The following PHTF2 variants were observed in gnomAD, a reference collection of about 807,000 sequenced individuals.
PHTF2 encodes protein PHTF2.
In PHTF2, 60 loss-of-function variants were observed where a neutral mutation model predicts 101.2. The ratio of observed to expected loss-of-function variants is 0.59; its 90% CI spans 0.48 to 0.73. The LOEUF (loss-of-function observed/expected upper bound fraction) is 0.73. Among genes scored for constraint, PHTF2 ranks in the 30% least tolerant of loss-of-function variants. The pLI, the probability that PHTF2 is intolerant of heterozygous loss-of-function variation, is 0.00. For missense variants in PHTF2, 747 were observed against 908.7 expected (o/e 0.82, Z 2.29); for synonymous variants, 311 against 307.3 (o/e 1.01, Z -0.13).
exon 20 of PHTF2, chr7:77,956,061 G>A (rs62462697): frequency 6.6e-6 from 1 of 152,546 alleles, no homozygotes; most frequent in Non-Finnish European, 1.5e-5. Context: ...GGGCAAATAT[G>A]ATAGTGTCTT....
intron 3 of PHTF2, among the ~76,000 whole-genome samples, chr7:77,858,936 A>G (rs981298787): frequency 6.6e-6 from 1 of 152,174 alleles, no homozygotes; most frequent in African/African-American, 2.4e-5. Flanking sequence ...TTTTTTCACC[A>G]TTCATGAGTC....
chr7:77,923,142 T>G, intron 11 of PHTF2: 1 of 983,058 alleles, frequency 1.0e-6, no homozygotes, highest in South Asian at 4.7e-5. Flanking sequence ...TTAAGTAACT[T>G]CCTTCATATT....
At position 77,841,744 on chromosome 7, in the gene PHTF2, G is replaced by A. The variant is rs1468126259; in HGVS notation, c.45+1444G>A. ...TATTAATTGTCTTTTGTGTTTGTTAGTGCCTCCTTTTAAACTTTTAAACTT... is the reference window on the plus strand; with the variant it reads ...TATTAATTGTCTTTTGTGTTTGTTAATGCCTCCTTTTAAACTTTTAAACTT... On this transcript the variant is annotated intron_variant, in intron 2 of 19. Transcript: ENST00000416283. Among the ~76,000 whole-genome samples, 3 of 152,196 alleles carry A rather than the reference G, an allele frequency of 2.0e-5. No homozygotes were observed. In the East Asian group the frequency reaches 5.8e-4, roughly 29 times the overall value.
intron 3 of PHTF2, among the ~76,000 whole-genome samples, chr7:77,884,338 T>C (rs2150760929): frequency 6.6e-6 from 1 of 152,326 alleles, no homozygotes; most frequent in East Asian, 1.9e-4. Flanking sequence ...ACCTGAGTAG[T>C]GTACCTTGTA....
intron 1 of PHTF2, among the ~76,000 whole-genome samples, chr7:77,808,017 A>G (rs1040028247): frequency 1.3e-5 from 2 of 151,996 alleles, no homozygotes; most frequent in African/African-American, 4.8e-5. Context: ...ATGAGGGTTT[A>G]TTTCTAGGGT....
At chr7:77,922,886 T>G in intron 11 of PHTF2, 108 bp downstream of exon 10, 1 of 1,268,046 alleles carries the variant, frequency 7.9e-7, no homozygotes. Flanking sequence ...TTCACATTAT[T>G]ATCAATATTT....
intron 3 of PHTF2, among the ~76,000 whole-genome samples, chr7:77,879,112 T>C (rs1799188882): frequency 3.3e-5 from 5 of 152,250 alleles, no homozygotes; most frequent in Admixed American, 2.0e-4. Flanking sequence ...TTCCTGTACA[T>C]TTTATCTTAC....
Position 77,857,514 on chromosome 7 carries a change from C to T in PHTF2, c.147+2680C>T, listed in dbSNP as rs7795416. Among the ~76,000 whole-genome samples, 160 of 152,202 alleles carry T rather than the reference C, an allele frequency of 1.1e-3. 1 individual carries two copies. The highest frequency in any genetic ancestry group is 3.6e-3 in the African/African-American group (149 of 41,536). ...TGGAAGGAGTATGTATATACAAACA[C>T]GTATTAATTTTTAAAGAAGTAACAG... is the stretch of plus-strand genomic sequence containing the variant. On this transcript the variant is annotated intron_variant, in intron 3 of 19. Transcript: ENST00000416283.
chr7:77,904,251 T>C (rs1305976912), intron 7 of PHTF2, among the ~76,000 whole-genome samples: 2 of 152,248 alleles, frequency 1.3e-5, no homozygotes, highest in Non-Finnish European at 2.9e-5. Flanking sequence ...TTTTTGCCTA[T>C]GTGTCTTTGG....
intron 12 of PHTF2, among the ~76,000 whole-genome samples, chr7:77,933,578 T>C (rs1393737600): frequency 1.3e-5 from 2 of 152,108 alleles, no homozygotes; most frequent in Admixed American, 1.3e-4. Flanking sequence ...CATGAAAGCA[T>C]AGGGTGTTGA....
At chr7:77,854,943 C>G (rs1797058439) in intron 3 of PHTF2, 5 of 615,606 alleles carry the variant, frequency 8.1e-6, no homozygotes. Context: ...TCAAGGAACC[C>G]AGGAGCCTGC....
intron 1 of PHTF2, among the ~76,000 whole-genome samples, chr7:77,810,192 A>T (rs1044036606): frequency 6.6e-6 from 1 of 152,110 alleles, no homozygotes; most frequent in Non-Finnish European, 1.5e-5. Context: ...ATATAGGTAC[A>T]TATGTATTAC....
chr7:77,915,610 A>C (rs1802838656), intron 9 of PHTF2, among the ~76,000 whole-genome samples: 1 of 152,130 alleles, frequency 6.6e-6, no homozygotes, highest in Non-Finnish European at 1.5e-5. Flanking sequence ...ACAAAAAAAC[A>C]TTTTCACTGA....
intron 17 of PHTF2, among the ~76,000 whole-genome samples, chr7:77,950,942 T>G (rs1806482372): frequency 6.6e-6 from 1 of 152,216 alleles, no homozygotes; most frequent in African/African-American, 2.4e-5. Context: ...TTGGTTTGGG[T>G]GTACATTCCA....
chr7:77,945,017 G>T (rs1274994740), intron 16 of PHTF2, among the ~76,000 whole-genome samples: 1 of 152,178 alleles, frequency 6.6e-6, no homozygotes, highest in African/African-American at 2.4e-5. Flanking sequence ...TTTAGACATC[G>T]TGGGAGATCC....
chr7:77,806,152 G>A (rs1792959779), intron 1 of PHTF2, among the ~76,000 whole-genome samples: 2 of 148,798 alleles, frequency 1.3e-5, no homozygotes, highest in Admixed American at 6.7e-5. Flanking sequence ...TCTAGCCTGG[G>A]TGACTCCATC....
chr7:77,875,323 A>T (rs1008637730), intron 3 of PHTF2, among the ~76,000 whole-genome samples: 8 of 151,900 alleles, frequency 5.3e-5, no homozygotes, highest in Non-Finnish European at 8.8e-5. Context: ...TAGGTTTTTT[A>T]AAAAAATAGT....
At chr7:77,920,509 T>C (rs772076310) in intron 10 of PHTF2, 44 bp downstream of exon 9, 1 of 1,450,990 alleles carries the variant, frequency 6.9e-7, no homozygotes, top group Non-Finnish European at 9.7e-7. Flanking sequence ...GATTTTATAT[T>C]AGCCAATGTA....
At chr7:77,926,347 A>T (rs1804000382) in intron 11 of PHTF2, among the ~76,000 whole-genome samples, 1 of 152,230 alleles carries the variant, frequency 6.6e-6, no homozygotes, top group Non-Finnish European at 1.5e-5. Context: ...CATAAAACAG[A>T]GCAGAGTGAT....
Sources: allele counts gnomAD v4.1 joint callset (sites outside exome capture counted in the v4.1 genomes callset), GRCh38; gene constraint gnomAD v4.1.1; transcripts MANE v1.5; gene names NCBI Gene and HGNC (gene_info 2026-07-23, HGNC 2026-07-21).